The following SSMEM1 variants were observed in gnomAD, a reference collection of about 807,000 sequenced individuals.
SSMEM1 encodes serine rich single-pass membrane protein 1.
In SSMEM1, 12 loss-of-function variants were observed where a neutral mutation model predicts 9.9. The observed-to-expected ratio is 1.21, with a 90% confidence interval of 0.78 to 1.96. The LOEUF is 1.96. SSMEM1 is among the 30% of genes most tolerant of loss of function. The pLI, the probability that SSMEM1 is intolerant of heterozygous loss-of-function variation, is 0.00. For missense variants in SSMEM1, 259 were observed against 292.2 expected, an observed-to-expected ratio of 0.89 and a Z score of 0.83; for synonymous variants, 96 against 98.9, an observed-to-expected ratio of 0.97 and a Z score of 0.17.
chr7:130,216,362 G>T lies in SSMEM1; in HGVS notation c.627G>T (p.Trp209Cys). Residue 209 changes from tryptophan (W) to cysteine (C), a missense_variant, in exon 3 of 3, where the codon TGG becomes TGT. Coordinates refer to ENST00000297819, the MANE Select transcript of SSMEM1 (RefSeq NM_145268.4). ...LHCKALRTNE[W>C]LAHHSRQKPS... ...GCAAAGCCTTGAGAACCAACGAATG[G>T]TTGGCGCACCATTCCCGACAGAAGC... 6.2e-7 allele frequency: 1 copy of T among 1,614,208 alleles called. No homozygotes were observed. Among genetic ancestry groups the T allele is most frequent in the Non-Finnish European group, 8.5e-7 (1 of 1,180,044 alleles).
At position 130,215,157 on chromosome 7, in the gene SSMEM1, T is replaced by C. The variant is rs1230674374; in HGVS notation, c.239-817T>C. On this transcript the variant is annotated intron_variant, in intron 2 of 2. Coordinates refer to ENST00000297819, the MANE Select transcript of SSMEM1 (RefSeq NM_145268.4). ...GTCTCTACTAAAAATACAAAAAAAT[T>C]AGCTGTGCATGGTGGCACGTGCCTA... is the stretch of plus-strand genomic sequence containing the variant. 3.3e-5 allele frequency among the ~76,000 whole-genome samples: 5 copies of C among 152,032 alleles called. No homozygotes were observed. The East Asian group carries it at 9.6e-4, about 29-fold the overall frequency.
intron 2 of SSMEM1, 47 bp downstream of exon 2, chr7:130,213,581 T>C (rs1162506034): frequency 7.7e-6 from 12 of 1,555,320 alleles, no homozygotes; most frequent in African/African-American, 1.4e-5. Flanking sequence ...GGGAAGAATA[T>C]GTGTGGTGTT....
intron 1 of SSMEM1, among the ~76,000 whole-genome samples, chr7:130,210,139 T>C (rs562059888): frequency 6.6e-6 from 1 of 152,308 alleles, no homozygotes; most frequent in Admixed American, 6.5e-5. Flanking sequence ...CTTCAAAGCA[T>C]AGTTTGAAAT....
intron 1 of SSMEM1, 48 bp downstream of exon 1, chr7:130,208,141 G>T: frequency 6.7e-7 from 1 of 1,493,690 alleles, no homozygotes; most frequent in South Asian, 1.4e-5. Context: ...CTGTACACTA[G>T]GAAAATTTCC....
At chr7:130,208,955 C>T (rs1262737936) in intron 1 of SSMEM1, among the ~76,000 whole-genome samples, 2 of 152,010 alleles carry the variant, frequency 1.3e-5, no homozygotes, top group South Asian at 2.1e-4. Flanking sequence ...CTCCGCCTCC[C>T]GGATTCAAGT....
intron 1 of SSMEM1, among the ~76,000 whole-genome samples, chr7:130,212,333 T>G (rs917247992): frequency 6.6e-6 from 1 of 152,194 alleles, no homozygotes; most frequent in African/African-American, 2.4e-5. Flanking sequence ...TAAGGAGATA[T>G]TAAGTTCATG....
upstream of SSMEM1, among the ~76,000 whole-genome samples, chr7:130,207,365 G>A (rs998925604): frequency 1.3e-5 from 2 of 152,134 alleles, no homozygotes; most frequent in African/African-American, 4.8e-5. Context: ...TTCTGTGCTC[G>A]TGAATCCTTG....
rs552151513 is a variant in SSMEM1, at chr7:130,215,362, C to T, written c.239-612C>T. Among the ~76,000 whole-genome samples, 122 of 151,964 alleles carry T rather than the reference C, an allele frequency of 8.0e-4. No individual in the cohort carries two copies. In the South Asian group the frequency reaches 9.2e-3, roughly 11 times the overall value. The stretch of plus-strand genomic sequence containing the variant: ...TAGAGTTTCCAGCATCCAAATACAA[C>T]GGACATAAAAAACCAGAAGAGCACA... On this transcript the variant is annotated intron_variant, in intron 2 of 2. Transcript: ENST00000297819.
chr7:130,209,376 C>T (rs1030758825), intron 1 of SSMEM1, among the ~76,000 whole-genome samples: 2 of 152,162 alleles, frequency 1.3e-5, no homozygotes, highest in South Asian at 2.1e-4. Context: ...CTTTGATAAC[C>T]ACCACCTCCT....
chr7:130,208,919 G>C (rs1798540001), intron 1 of SSMEM1, among the ~76,000 whole-genome samples: 1 of 151,670 alleles, frequency 6.6e-6, no homozygotes, highest in Non-Finnish European at 1.5e-5. Flanking sequence ...CTGGAGTGAA[G>C]TGGTGCAATC....
chr7:130,207,640 A>C, upstream of SSMEM1: 3 of 498,058 alleles, frequency 6.0e-6, no homozygotes, highest in East Asian at 4.4e-5. Flanking sequence ...AGGAAAATAT[A>C]GCATATACAA....
Position 130,216,162 on chromosome 7 carries a change from C to CATGACAGTGATACTACGGAGT in SSMEM1, c.431_451dup (p.Asp144_Tyr150dup), listed in dbSNP as rs1447828592. On this transcript the variant is annotated inframe_insertion, in exon 3 of 3. Transcript: ENST00000297819. ...GTTCAATGAGGTGAACCAGAACCAA[C>CATGACAGTGATACTACGGAGT]ATGACAGTGATACTACGGAGTATGG... is the stretch of plus-strand genomic sequence containing the variant. The CATGACAGTGATACTACGGAGT allele has an allele frequency of 1.9e-6, 3 of 1,614,076 alleles. No homozygotes were observed. The highest frequency in any genetic ancestry group is 2.5e-6 in the Non-Finnish European group (3 of 1,180,038).
intron 1 of SSMEM1, among the ~76,000 whole-genome samples, chr7:130,209,478 T>C (rs920742319): frequency 5.3e-5 from 8 of 152,272 alleles, no homozygotes; most frequent in African/African-American, 1.9e-4. Flanking sequence ...ATATGTGTCT[T>C]AGACTCCCTA....
chr7:130,207,936 G>A lies in SSMEM1; in HGVS notation c.26G>A (p.Trp9Ter), dbSNP rs770643207. ...ATGGGAGACCTTTTTTCCTTATTTT[G>A]GGAGGTAGATCCTCCCCCAATACCT... Reference protein sequence around the residue: MGDLFSLFWEVDPPPIPVN... With the variant: MGDLFSLF The change falls in exon 1 of 3, where the codon TGG (tryptophan) becomes TAG (stop). Residue 9 changes from tryptophan to a stop codon, truncating the protein, a stop_gained. Transcript: ENST00000297819. LOFTEE classifies it high-confidence loss of function. 2.4e-5 allele frequency: 38 copies of A among 1,611,986 alleles called. No individual in the cohort carries two copies. The South Asian group carries it at 4.0e-4, about 17-fold the overall frequency.
At chr7:130,215,382 A>T (rs1463756523) in intron 2 of SSMEM1, among the ~76,000 whole-genome samples, 1 of 152,220 alleles carries the variant, frequency 6.6e-6, no homozygotes, top group African/African-American at 2.4e-5. Context: ...AAACCAGAAG[A>T]GCACATAGCA....
At chr7:130,208,865 CTTTT>C (rs766884325) in intron 1 of SSMEM1, among the ~76,000 whole-genome samples, 1 of 147,152 alleles carries the variant, frequency 6.8e-6, no homozygotes, top group Non-Finnish European at 1.5e-5. Flanking sequence ...TAACCAAGCT[CTTTT>C]TTTTTTTTCT....
At position 130,216,199 on chromosome 7, in the gene SSMEM1, C is replaced by T; in HGVS notation, c.464C>T (p.Ser155Phe). 6.2e-7 allele frequency: 1 copy of T among 1,614,176 alleles called. No individual in the cohort carries two copies. The highest frequency in any genetic ancestry group is 8.5e-7 in the Non-Finnish European group (1 of 1,180,034). ...ACTACGGAGTATGGCAGTGAAGAGT[C>T]TAACTCAGAAGCCTCCTCGTGGAAG... is the stretch of plus-strand genomic sequence containing the variant. ...SDTTEYGSEE[S>F]NSEASSWKES... Residue 155 changes from serine to phenylalanine, a missense_variant, in exon 3 of 3, where the codon TCT becomes TTT. Physicochemically the swap from Ser to Phe is radical, Grantham distance 155 (BLOSUM62 -2). Coordinates refer to ENST00000297819, the MANE Select transcript of SSMEM1 (RefSeq NM_145268.4).
chr7:130,206,256 G>A (rs184759279), upstream of SSMEM1, among the ~76,000 whole-genome samples: 3 of 152,200 alleles, frequency 2.0e-5, no homozygotes, highest in African/African-American at 7.2e-5. Flanking sequence ...CAACCCCAGC[G>A]GAGGCCCACA....
At chr7:130,208,522 T>A (rs1798531259) in intron 1 of SSMEM1, among the ~76,000 whole-genome samples, 1 of 152,234 alleles carries the variant, frequency 6.6e-6, no homozygotes, top group South Asian at 2.1e-4. Flanking sequence ...TTTCTATATT[T>A]TGATTGCACC....
Sources: allele counts gnomAD v4.1 joint callset (sites outside exome capture counted in the v4.1 genomes callset), GRCh38; gene constraint gnomAD v4.1.1; transcripts MANE v1.5; gene names NCBI Gene and HGNC (gene_info 2026-07-23, HGNC 2026-07-21).